The following PSG5 variants were observed in gnomAD, a reference collection of about 807,000 sequenced individuals.
PSG5 encodes the protein pregnancy specific beta-1-glycoprotein 5, also known as pregnancy-specific beta-1-glycoprotein 5.
A neutral mutation model predicts 37.7 loss-of-function variants in PSG5; 53 were observed. The observed-to-expected ratio is 1.41, with a 90% CI of 1.13 to 1.77. The LOEUF (loss-of-function observed/expected upper bound fraction) is 1.77. PSG5 is among the 40% of genes most tolerant of loss of function. The pLI, the probability that PSG5 is intolerant of heterozygous loss-of-function variation, is 0.00. For missense variants in PSG5, 547 were observed against 405.2 expected, an observed-to-expected ratio of 1.35 and a Z score of -3.00; for synonymous variants, 221 against 155.4, an observed-to-expected ratio of 1.42 and a Z score of -3.14.
intron 2 of PSG5, among the ~76,000 whole-genome samples, chr19:43,176,521 C>A (rs1397088779): frequency 6.6e-6 from 1 of 151,594 alleles, no homozygotes. Context: ...CTTCCAAATT[C>A]CATCCTACTT....
chr19:43,186,023 C>T (rs768753885), intron 1 of PSG5, among the ~76,000 whole-genome samples: 5 of 151,028 alleles, frequency 3.3e-5, no homozygotes, highest in Admixed American at 6.6e-5. Context: ...GTCACCCAGG[C>T]TGGCGTGCAG....
chr19:43,183,897 G>C (rs192724966), intron 2 of PSG5, among the ~76,000 whole-genome samples: 5 of 138,564 alleles, frequency 3.6e-5, no homozygotes, highest in African/African-American at 1.4e-4. Context: ...AATAAGCTAA[G>C]TGGCAAATGG....
At chr19:43,175,816 G>A in intron 3 of PSG5, 54 bp downstream of exon 3, 1 of 1,604,944 alleles carries the variant, frequency 6.2e-7, no homozygotes, top group Non-Finnish European at 8.5e-7. Context: ...CTGGCTTGTG[G>A]TCATTTAGAT....
chr19:43,171,753 G>A (rs1968909178), intron 4 of PSG5, among the ~76,000 whole-genome samples: 1 of 151,450 alleles, frequency 6.6e-6, no homozygotes, highest in Non-Finnish European at 1.5e-5. Flanking sequence ...AGGATTTCTT[G>A]AGACCAGGTG....
rs575425242 is a variant in PSG5, at chr19:43,173,187, C to A, written c.964+2028G>T. ...GATATCCAAGGGCAAGAGAGTGGAA[C>A]CTTTACCTAACACCATGCATAAAAA... On this transcript the variant is annotated intron_variant, in intron 4 of 5. Coordinates refer to ENST00000342951, the MANE Select transcript of PSG5 (RefSeq NM_002781.4). Among the ~76,000 whole-genome samples, 5 of 151,700 alleles carry A rather than the reference C, an allele frequency of 3.3e-5. No homozygotes were observed. The East Asian group carries it at 5.8e-4, about 18-fold the overall frequency.
chr19:43,183,506 A>T (rs753813231), intron 2 of PSG5: 2 of 527,394 alleles, frequency 3.8e-6, no homozygotes, highest in Non-Finnish European at 7.7e-6. Context: ...CCTCTCCTTG[A>T]TCCTTTCATG....
Position 43,175,214 on chromosome 19 carries a change from C to T in PSG5, c.964+1G>A, listed in dbSNP as rs1274743612. 8.7e-6 allele frequency: 14 copies of T among 1,612,484 alleles called. No homozygotes were observed. The highest frequency in any genetic ancestry group is 1.2e-5 in the Non-Finnish European group (14 of 1,179,142). On this transcript the variant is annotated splice_donor_variant, in intron 4 of 5. Transcript: ENST00000342951. LOFTEE classifies it high-confidence loss of function. ...TGCCAAGGATGCTGGGATCCACTTA[C>T]CAGAGACTTCGACTGTCATGGATTT...
chr19:43,183,123 T>C (rs1167045781), intron 2 of PSG5, among the ~76,000 whole-genome samples: 1 of 150,992 alleles, frequency 6.6e-6, no homozygotes, highest in Non-Finnish European at 1.5e-5. Flanking sequence ...AGAGACACCA[T>C]GGCAGTGAGC....
chr19:43,175,749 G>C (rs1217118610), intron 3 of PSG5, 121 bp downstream of exon 3: 9 of 1,538,358 alleles, frequency 5.9e-6, no homozygotes, highest in Non-Finnish European at 7.9e-6. Flanking sequence ...GTCATGGCCA[G>C]CTCAGATGTC....
chr19:43,182,442 C>T (rs2122235824), intron 2 of PSG5, among the ~76,000 whole-genome samples: 1 of 151,656 alleles, frequency 6.6e-6, no homozygotes, highest in South Asian at 2.1e-4. Flanking sequence ...ATACCTATGA[C>T]TAATGGCTCA....
At position 43,185,154 on chromosome 19, in the gene PSG5, G is replaced by C. The variant is rs1966905847; in HGVS notation, c.65-7C>G. On this transcript the variant is annotated splice_polypyrimidine_tract_variant and splice_region_variant and intron_variant, in intron 1 of 5. Coordinates refer to ENST00000342951, the MANE Select transcript of PSG5 (RefSeq NM_002781.4). ...CAGAAGTTTAAAAGTGATGCTAGGA[G>C]GTGGAGAAAGCACCAGTCAATATTG... is the stretch of plus-strand genomic sequence containing the variant. The C allele has an allele frequency of 6.3e-7, 1 of 1,592,030 alleles. No individual in the cohort carries two copies. Among genetic ancestry groups the C allele is most frequent in the Non-Finnish European group, 8.6e-7 (1 of 1,168,596 alleles).
In PSG5 at chr19:43,176,712, T is replaced by C. The variant is rs1217811681; in HGVS notation, c.431-564A>G. On this transcript the variant is annotated intron_variant, in intron 2 of 5. Coordinates refer to ENST00000342951, the MANE Select transcript of PSG5 (RefSeq NM_002781.4). ...GAGTCAAGCCTGGAGGTCAGTTCAG[T>C]CATCAGCCAGTGGAGGCAGAAAGTG... 2.0e-5 allele frequency among the ~76,000 whole-genome samples: 3 copies of C among 150,578 alleles called. No homozygotes were observed. The East Asian group carries it at 5.8e-4, about 29-fold the overall frequency.
Position 43,176,242 on chromosome 19 carries a change from A to G in PSG5, c.431-94T>C, listed in dbSNP as rs536297379. The G allele has an allele frequency of 3.8e-4, 587 of 1,543,986 alleles. 15 individuals carry two copies. The East Asian group carries it at 8.3e-3, about 22-fold the overall frequency. ...CAGAGTTGGCATCTCCCACCTGTCAACCCACCAGAGTCCTTGAAAGCCAGT... is the reference window on the plus strand; with the variant it reads ...CAGAGTTGGCATCTCCCACCTGTCAGCCCACCAGAGTCCTTGAAAGCCAGT... On this transcript the variant is annotated intron_variant, in intron 2 of 5. Coordinates refer to ENST00000342951, the MANE Select transcript of PSG5 (RefSeq NM_002781.4).
intron 3 of PSG5, 187 bp from the exon 4 acceptor site, chr19:43,175,656 C>G (rs540978525): frequency 7.2e-7 from 1 of 1,386,272 alleles, no homozygotes; most frequent in Non-Finnish European, 9.7e-7. Context: ...GCTATTGACA[C>G]AAAGTCTCCC....
At chr19:43,174,851 A>G in intron 4 of PSG5, 3 of 1,160,014 alleles carry the variant, frequency 2.6e-6, no homozygotes, top group Non-Finnish European at 3.4e-6. Flanking sequence ...AGCTCATGGA[A>G]TAGGTACAAG....
chr19:43,186,317 C>G, intron 1 of PSG5, 25 bp downstream of exon 1: 1 of 1,611,318 alleles, frequency 6.2e-7, no homozygotes, highest in Non-Finnish European at 8.5e-7. Flanking sequence ...TCCTCCTGTC[C>G]TCTCCCAGGA....
intron 4 of PSG5, chr19:43,175,008 C>G: frequency 6.9e-7 from 1 of 1,456,220 alleles, no homozygotes; most frequent in South Asian, 1.4e-5. Flanking sequence ...TTTCTTAGGC[C>G]AGACACAAGG....
chr19:43,169,319 C>G (rs1968853939), intron 5 of PSG5, among the ~76,000 whole-genome samples: 1 of 151,642 alleles, frequency 6.6e-6, no homozygotes, highest in Non-Finnish European at 1.5e-5. Flanking sequence ...TGTTCTGAGT[C>G]TCAGGTTCAC....
At chr19:43,179,172 G>T in intron 2 of PSG5, 1 of 1,581,564 alleles carries the variant, frequency 6.3e-7, no homozygotes, top group South Asian at 1.1e-5. Context: ...GCAGAAAACA[G>T]AGAGAAGATT....
Sources: allele counts gnomAD v4.1 joint callset (sites outside exome capture counted in the v4.1 genomes callset), GRCh38; gene constraint gnomAD v4.1.1; transcripts MANE v1.5; gene names NCBI Gene and HGNC (gene_info 2026-07-23, HGNC 2026-07-21).